The following NKAIN3 variants were observed in gnomAD, a reference collection of about 807,000 sequenced individuals.
NKAIN3 encodes sodium/potassium-transporting ATPase subunit beta-1-interacting protein 3.
NKAIN3 carries 25 observed loss-of-function variants against 30.2 expected under a neutral mutation model. The ratio of observed to expected loss-of-function variants is 0.83; its 90% CI spans 0.60 to 1.16. NKAIN3 has a LOEUF of 1.16. Among genes scored for constraint, NKAIN3 ranks in the 50% most tolerant of loss-of-function variants. The pLI, the probability that NKAIN3 is intolerant of heterozygous loss-of-function variation, is 0.00. For missense variants in NKAIN3, 225 were observed against 254.1 expected (o/e 0.89, Z 0.78); for synonymous variants, 91 against 89.6 (o/e 1.02, Z -0.09).
chr8:62,753,252 G>A (rs1426346033), intron 4 of NKAIN3, among the ~76,000 whole-genome samples: 1 of 150,406 alleles, frequency 6.6e-6, no homozygotes, highest in Non-Finnish European at 1.5e-5. Flanking sequence ...GCACAGTATA[G>A]CATTTCCTTT....
At chr8:62,343,667 T>G (rs2129591106) in intron 1 of NKAIN3, among the ~76,000 whole-genome samples, 1 of 151,938 alleles carries the variant, frequency 6.6e-6, no homozygotes, top group Non-Finnish European at 1.5e-5. Context: ...TTTAATTAAC[T>G]GGGCATGGTG....
intron 1 of NKAIN3, among the ~76,000 whole-genome samples, chr8:62,334,474 T>C (rs149324079): frequency 1.7e-3 from 255 of 152,230 alleles, no homozygotes; most frequent in Non-Finnish European, 3.2e-3. Flanking sequence ...GAACCTCCCA[T>C]AATCCAGTAA....
chr8:62,987,310 T>G (rs1239808236), downstream of NKAIN3, among the ~76,000 whole-genome samples: 2 of 152,108 alleles, frequency 1.3e-5, no homozygotes, highest in Non-Finnish European at 1.5e-5. Flanking sequence ...TGAGAATCAC[T>G]TGATTCTTGG....
intron 4 of NKAIN3, among the ~76,000 whole-genome samples, chr8:62,808,249 A>T (rs1355697042): frequency 6.6e-6 from 1 of 152,208 alleles, no homozygotes; most frequent in South Asian, 2.1e-4. Context: ...TTCCTGAAGA[A>T]CATGCTTTAG....
intron 1 of NKAIN3, among the ~76,000 whole-genome samples, chr8:62,277,634 C>A (rs768836716): frequency 6.6e-6 from 1 of 152,062 alleles, no homozygotes; most frequent in Non-Finnish European, 1.5e-5. Context: ...AGTTATTTTT[C>A]TAGTAAGAAA....
chr8:62,275,145 G>C (rs994954001), intron 1 of NKAIN3, among the ~76,000 whole-genome samples: 2 of 152,060 alleles, frequency 1.3e-5, no homozygotes, highest in Non-Finnish European at 2.9e-5. Context: ...GGTATTTCTA[G>C]TTCTAGATCC....
At chr8:62,593,174 G>A (rs1182280256) in intron 3 of NKAIN3, among the ~76,000 whole-genome samples, 1 of 151,870 alleles carries the variant, frequency 6.6e-6, no homozygotes, top group Non-Finnish European at 1.5e-5. Flanking sequence ...TGACCAAGAT[G>A]GCATTCTGGG....
At chr8:62,588,796 C>T (rs374544602) in intron 2 of NKAIN3, among the ~76,000 whole-genome samples, 17 of 151,690 alleles carry the variant, frequency 1.1e-4, no homozygotes, top group East Asian at 1.9e-4. Flanking sequence ...TAAAATAAAA[C>T]GAATAGGCAA....
intron 4 of NKAIN3, among the ~76,000 whole-genome samples, chr8:62,796,789 T>TACACACACACACACACAC (rs144656283): frequency 0.25 from 35,976 of 145,734 alleles, 5,388 homozygotes; most frequent in Non-Finnish European, 0.34. Flanking sequence ...GTATCACACA[T>TACACACACACACACACAC]ACACACACAC....
At chr8:62,863,932 G>C (rs943724246) in intron 4 of NKAIN3, 33 of 1,100,528 alleles carry the variant, frequency 3.0e-5, no homozygotes, top group Non-Finnish European at 8.4e-6. Flanking sequence ...TGGTGGTGTG[G>C]GGTCTGCCAA....
intron 1 of NKAIN3, among the ~76,000 whole-genome samples, chr8:62,305,748 G>A (rs569594192): frequency 6.6e-6 from 1 of 150,404 alleles, no homozygotes; most frequent in South Asian, 2.1e-4. Context: ...GGTTGGTCTC[G>A]CTGGCCTTCT....
At chr8:62,312,635 T>C (rs535089324) in intron 1 of NKAIN3, among the ~76,000 whole-genome samples, 1 of 151,684 alleles carries the variant, frequency 6.6e-6, no homozygotes, top group Non-Finnish European at 1.5e-5. Flanking sequence ...GTGGGCAACA[T>C]AGTGAAACCC....
intron 4 of NKAIN3, among the ~76,000 whole-genome samples, chr8:62,847,854 T>C (rs1466873231): frequency 1.3e-5 from 2 of 152,188 alleles, no homozygotes; most frequent in Non-Finnish European, 2.9e-5. Flanking sequence ...TTGACTTTTG[T>C]ATACAATGTA....
At chr8:62,807,931 G>T (rs544635341) in intron 4 of NKAIN3, among the ~76,000 whole-genome samples, 13 of 151,472 alleles carry the variant, frequency 8.6e-5, no homozygotes, top group Admixed American at 1.3e-4. Context: ...GTTTTAGAAT[G>T]AATACTGGAA....
intron 3 of NKAIN3, among the ~76,000 whole-genome samples, chr8:62,642,392 A>G (rs1026876965): frequency 2.6e-5 from 4 of 152,052 alleles, no homozygotes; most frequent in African/African-American, 9.7e-5. Context: ...ATCATAACAC[A>G]TTCTCACACC....
At chr8:62,816,088 C>T (rs781760256) in intron 4 of NKAIN3, among the ~76,000 whole-genome samples, 1 of 152,028 alleles carries the variant, frequency 6.6e-6, no homozygotes, top group Non-Finnish European at 1.5e-5. Flanking sequence ...TGTCATGTTT[C>T]CTTGCTTTTT....
intron 6 of NKAIN3, among the ~76,000 whole-genome samples, chr8:62,957,139 CT>C (rs11345608): frequency 0.65 from 97,556 of 149,142 alleles, 32,223 homozygotes; most frequent in African/African-American, 0.78. Context: ...TTATAGCAGC[CT>C]TTTTTTTTTT....
At chr8:62,421,517 G>A (rs1357832980) in intron 1 of NKAIN3, among the ~76,000 whole-genome samples, 1 of 151,972 alleles carries the variant, frequency 6.6e-6, no homozygotes, top group East Asian at 1.9e-4. Flanking sequence ...CCTATTTGGG[G>A]AATACATACA....
At chr8:62,261,637 G>T (rs1364803286) in intron 1 of NKAIN3, among the ~76,000 whole-genome samples, 2 of 152,250 alleles carry the variant, frequency 1.3e-5, no homozygotes, top group African/African-American at 2.4e-5. Context: ...GTTCTTCCAG[G>T]CTGGGATAAT....
Sources: gnomAD v4.1 joint callset for allele counts (sites outside exome capture counted in the v4.1 genomes callset) on GRCh38, gnomAD v4.1.1 for gene constraint, MANE v1.5 for transcripts, NCBI Gene and HGNC (gene_info 2026-07-23, HGNC 2026-07-21) for gene names.